Variants in DNAH1 observed in about 807,000 individuals in gnomAD.
DNAH1 encodes axonemal beta dynein heavy chain 1.
Under a neutral mutation model 484.3 loss-of-function variants are expected in DNAH1, and 327 were observed. The observed-to-expected ratio is 0.68, with a 90% CI of 0.62 to 0.74. DNAH1 has a LOEUF of 0.74. Ranked by LOEUF, DNAH1 falls within the 30% of genes least tolerant of loss-of-function variation. The probability of loss-of-function intolerance (pLI) is 0.00; values close to 1 mark genes in which losing one functional copy is unlikely to be tolerated. For missense variants in DNAH1, 5,052 were observed against 5,546.8 expected (o/e 0.91, Z 2.83); for synonymous variants, 2,192 against 2,191.9 (o/e 1.00, Z 0.00).
chr3:52,343,237 G>T (rs1282158662), intron 8 of DNAH1, among the ~76,000 whole-genome samples: 2 of 152,140 alleles, frequency 1.3e-5, no homozygotes, highest in East Asian at 3.9e-4. Context: ...AGTCAAAGGA[G>T]GGAAGGAAGT....
chr3:52,394,667 C>T lies in DNAH1; in HGVS notation c.10823+6C>T. The T allele has an allele frequency of 6.4e-7, 1 of 1,559,752 alleles. No individual in the cohort carries two copies. Among genetic ancestry groups the T allele is most frequent in the Non-Finnish European group, 8.7e-7 (1 of 1,149,166 alleles). ...GACAGCCTTGAGCCCCACCGGTTAG[C>T]TGGGCCCCAGAATATGGCAGGATGA... On this transcript the variant is annotated splice_donor_region_variant and intron_variant, in intron 67 of 77. Coordinates refer to ENST00000420323, the MANE Select transcript of DNAH1 (RefSeq NM_015512.5).
rs189356340 is a variant in DNAH1, at chr3:52,373,301, G to A, written c.6985+248G>A. Among the ~76,000 whole-genome samples the A allele has an allele frequency of 3.5e-3, 526 of 152,258 alleles. 5 individuals are homozygous for A. Among genetic ancestry groups the A allele is most frequent in the Non-Finnish European group, 5.4e-3 (366 of 67,986 alleles). ...AGCAAGTGAATGTCTCAGTCCCCAG[G>A]TGGCGGTGGTGGCCGCGGGGGCGCG... is the stretch of plus-strand genomic sequence containing the variant. On this transcript the variant is annotated intron_variant, in intron 44 of 77. Coordinates refer to ENST00000420323, the MANE Select transcript of DNAH1 (RefSeq NM_015512.5).
In DNAH1 at chr3:52,349,228, G is replaced by C. The variant is rs747191132; in HGVS notation, c.2334G>C (p.Glu778Asp). ...AGACGCAGGGCCTGTTGGCCCAGGA[G>C]GTGCGGGAGGTAGTGCTCACCCACC... ...TYQTQGLLAQ[E>D]VREVVLTHLR... The change falls in exon 14 of 78, where the codon GAG (glutamate) becomes GAC (aspartate). Residue 778 changes from glutamate (E) to aspartate (D), a missense_variant. Physicochemically the swap from Glu to Asp is conservative, Grantham distance 45 (BLOSUM62 2). Coordinates refer to ENST00000420323, the MANE Select transcript of DNAH1 (RefSeq NM_015512.5). 2 of 1,613,742 alleles carry C rather than the reference G, an allele frequency of 1.2e-6. No individual in the cohort carries two copies. Among genetic ancestry groups the C allele is most frequent in the Non-Finnish European group, 8.5e-7 (1 of 1,179,824 alleles).
Position 52,362,505 on chromosome 3 carries a change from A to G in DNAH1, c.5094+4A>G. ...GGAGCTGCCTGACAATCTGAAGGCAAGTGCAGGCCCAGAGTGGCCCAGGAA... is the reference window on the plus strand; with the variant it reads ...GGAGCTGCCTGACAATCTGAAGGCAGGTGCAGGCCCAGAGTGGCCCAGGAA... On this transcript the variant is annotated splice_donor_region_variant and intron_variant, in intron 31 of 77. Transcript: ENST00000420323. The surrounding 1 kb of genome is among the most constrained non-coding windows in gnomAD (Gnocchi z 5.1). The G allele has an allele frequency of 6.2e-7, 1 of 1,612,400 alleles. No individual in the cohort carries two copies. The highest frequency in any genetic ancestry group is 8.5e-7 in the Non-Finnish European group (1 of 1,179,228).
intron 11 of DNAH1, 87 bp downstream of exon 11, chr3:52,346,857 G>A: frequency 7.0e-7 from 1 of 1,437,320 alleles, no homozygotes; most frequent in South Asian, 1.4e-5. Flanking sequence ...ACCAGGGCCA[G>A]GGTGCCCATC....
chr3:52,378,428 C>T (rs190357098), intron 46 of DNAH1, among the ~76,000 whole-genome samples, 174 bp from the exon 47 acceptor site: 86 of 148,768 alleles, frequency 5.8e-4, no homozygotes, highest in African/African-American at 2.0e-3. Flanking sequence ...CTTCACCTCC[C>T]CCAAGCTGGG....
upstream of DNAH1, among the ~76,000 whole-genome samples, chr3:52,313,576 C>T (rs1440121536): frequency 6.6e-6 from 1 of 152,154 alleles, no homozygotes; most frequent in Non-Finnish European, 1.5e-5. Flanking sequence ...AGGAAGTTGT[C>T]AGCTCTAACT....
intron 17 of DNAH1, 30 bp downstream of exon 17, chr3:52,352,133 A>T: frequency 6.4e-7 from 1 of 1,559,090 alleles, no homozygotes; most frequent in Non-Finnish European, 8.7e-7. Flanking sequence ...TTGGTGCTGG[A>T]CACAGCCCCC....
At position 52,332,140 on chromosome 3, in the gene DNAH1, A is replaced by G. The variant is rs1482101290; in HGVS notation, c.1034-2A>G. 3 of 1,551,856 alleles carry G rather than the reference A, an allele frequency of 1.9e-6. No homozygotes were observed. The highest frequency in any genetic ancestry group is 3.9e-5 in the Admixed American group (2 of 51,214). On this transcript the variant is annotated splice_acceptor_variant, in intron 7 of 77. Transcript: ENST00000420323. LOFTEE classifies it high-confidence loss of function. ...CCCTTCTCCCTCTCACCCGGCCCCC[A>G]GGAAGGCCACCCCTTCAGGTCTGTC...
chr3:52,389,042 G>A (rs969118456), intron 59 of DNAH1, 105 bp downstream of exon 59: 12 of 1,327,492 alleles, frequency 9.0e-6, no homozygotes, highest in African/African-American at 5.9e-5. Context: ...GTGGCTCTCC[G>A]CTCACTCAGT....
Position 52,362,451 on chromosome 3 carries a change from A to T in DNAH1, c.5044A>T (p.Thr1682Ser). 6.2e-7 allele frequency: 1 copy of T among 1,614,016 alleles called. No homozygotes were observed. Among genetic ancestry groups the T allele is most frequent in the Admixed American group, 1.7e-5 (1 of 60,010 alleles). ...PLVPSCAVFI[T>S]MNPGYAGRTE... ...GGTGCCATCCTGCGCAGTGTTTATC[A>T]CCATGAACCCGGGCTACGCTGGCCG... Residue 1682 changes from threonine to serine, a missense_variant, in exon 31 of 78, where the codon ACC (threonine) becomes TCC (serine). Thr to Ser is a moderately conservative substitution (Grantham distance 58). Transcript: ENST00000420323. The surrounding 1 kb of genome is among the most constrained non-coding windows in gnomAD (Gnocchi z 5.1).
intron 6 of DNAH1, among the ~76,000 whole-genome samples, chr3:52,329,787 T>C (rs1176161984): frequency 6.6e-6 from 1 of 150,800 alleles, no homozygotes; most frequent in Non-Finnish European, 1.5e-5. Context: ...CTCGCGCCAT[T>C]GCACTCCAGC....
Position 52,361,338 on chromosome 3 carries a change from C to A in DNAH1, c.4860C>A (p.Phe1620Leu). 1 of 1,590,604 alleles carries A rather than the reference C, an allele frequency of 6.3e-7. No individual in the cohort carries two copies. Among genetic ancestry groups the A allele is most frequent in the Non-Finnish European group, 8.6e-7 (1 of 1,168,262 alleles). The change falls in exon 29 of 78, where the codon TTC becomes TTA. Residue 1620 changes from phenylalanine to leucine, a missense_variant. Coordinates refer to ENST00000420323, the MANE Select transcript of DNAH1 (RefSeq NM_015512.5). This position sits in a 1 kb window ranked among gnomAD's most constrained non-coding sequence, Gnocchi z 5.6. ...QLDFMAMGKFFKGLASAGAWA... is the reference protein window; with the variant it reads ...QLDFMAMGKFLKGLASAGAWA... ...ACTTCATGGCCATGGGCAAGTTCTT[C>A]AAGGGCCTGGCCAGGTGAGGCTGGG...
chr3:52,398,512 T>C (rs549525992), intron 75 of DNAH1, among the ~76,000 whole-genome samples: 1 of 152,214 alleles, frequency 6.6e-6, no homozygotes, highest in Admixed American at 6.5e-5. Context: ...ATGGTCTCGA[T>C]CTCCTGACCT....
chr3:52,366,617 G>A, intron 35 of DNAH1, 69 bp downstream of exon 35: 1 of 1,554,714 alleles, frequency 6.4e-7, no homozygotes, highest in Non-Finnish European at 8.7e-7. Flanking sequence ...GCTTCAACAG[G>A]GGTTGGCCTC....
chr3:52,358,044 G>A lies in DNAH1; in HGVS notation c.4086+41G>A, dbSNP rs375207751. 1.8e-5 allele frequency: 27 copies of A among 1,474,490 alleles called. No individual in the cohort carries two copies. The highest frequency in any genetic ancestry group is 2.2e-5 in the Non-Finnish European group (24 of 1,082,850). The allele number at this position is 1,474,490 out of a possible 1,614,324, so 91.3% of individuals were successfully genotyped here. On this transcript the variant is annotated intron_variant, in intron 24 of 77. Transcript: ENST00000420323. The surrounding 1 kb of genome is among the most constrained non-coding windows in gnomAD (Gnocchi z 4.2). ...CGGGGCTCAGGGCTGGGAGCATGGG[G>A]CATCTTCCCAGGGAGAACGTCCCTC...
chr3:52,356,540 C>T, intron 21 of DNAH1, 74 bp from the exon 22 acceptor site: 1 of 1,503,608 alleles, frequency 6.7e-7, no homozygotes, highest in Non-Finnish European at 9.1e-7. Flanking sequence ...TGAAATGTCC[C>T]AGTCATTGGG....
At position 52,375,994 on chromosome 3, in the gene DNAH1, G is replaced by T. The variant is rs367692811; in HGVS notation, c.7198+1G>T. ...GAAAAAAGCTACCGGGAGCGTGTGC[G>T]TAAGTGTGGGCCTGGGCGGGAATGG... On this transcript the variant is annotated splice_donor_variant, in intron 46 of 77. Coordinates refer to ENST00000420323, the MANE Select transcript of DNAH1 (RefSeq NM_015512.5). LOFTEE classifies it high-confidence loss of function. 1.2e-6 allele frequency: 2 copies of T among 1,611,928 alleles called. No individual in the cohort carries two copies. Among genetic ancestry groups the T allele is most frequent in the Admixed American group, 1.7e-5 (1 of 59,396 alleles).
chr3:52,341,347 A>G (rs936925044), intron 8 of DNAH1, among the ~76,000 whole-genome samples: 3 of 152,134 alleles, frequency 2.0e-5, no homozygotes, highest in Non-Finnish European at 4.4e-5. Flanking sequence ...CAAGCGATTT[A>G]TGAAATCCTC....
Sources: allele counts gnomAD v4.1 joint callset (sites outside exome capture counted in the v4.1 genomes callset), GRCh38; gene constraint gnomAD v4.1.1; non-coding constraint Gnocchi (gnomAD v3.1); transcripts MANE v1.5; gene names NCBI Gene and HGNC (gene_info 2026-07-23, HGNC 2026-07-21).